Variants in SLIT3 observed in about 807,000 individuals in gnomAD.
The protein encoded by SLIT3 is slit homolog 3 protein.
In SLIT3, 68 loss-of-function variants were observed where a neutral mutation model predicts 184.0. The observed-to-expected ratio is 0.37, with a 90% CI of 0.30 to 0.45. The LOEUF (loss-of-function observed/expected upper bound fraction) is 0.45. Ranked by LOEUF, SLIT3 falls within the 20% of genes least tolerant of loss-of-function variation. The pLI is 1.00. For synonymous variants in SLIT3, 831 were observed against 828.6 expected (o/e 1.00, Z -0.05); for missense variants, 1,707 against 2,026.0 (o/e 0.84, Z 3.02).
intron 4 of SLIT3, among the ~76,000 whole-genome samples, chr5:168,915,808 T>C (rs997464479): frequency 2.0e-5 from 3 of 152,210 alleles, no homozygotes; most frequent in Non-Finnish European, 4.4e-5. Flanking sequence ...GCCTAACAAG[T>C]AAATGTCATA....
At chr5:169,055,263 A>C (rs751064003) in intron 4 of SLIT3, among the ~76,000 whole-genome samples, 10 of 152,202 alleles carry the variant, frequency 6.6e-5, no homozygotes, top group African/African-American at 9.6e-5. Context: ...GGAACTTTCT[A>C]TTGTAGATTA....
At chr5:169,062,437 C>G (rs1758204513) in intron 4 of SLIT3, among the ~76,000 whole-genome samples, 1 of 152,168 alleles carries the variant, frequency 6.6e-6, no homozygotes, top group South Asian at 2.1e-4. Flanking sequence ...GGCAAGGACT[C>G]ATCATCTTTG....
chr5:168,741,241 C>T (rs964369490), intron 20 of SLIT3, among the ~76,000 whole-genome samples: 5 of 151,994 alleles, frequency 3.3e-5, no homozygotes, highest in South Asian at 2.1e-4. Flanking sequence ...GAGGCCGAGG[C>T]GGGCGGATCA....
chr5:168,731,672 G>A (rs1166981188), intron 20 of SLIT3, among the ~76,000 whole-genome samples: 1 of 151,882 alleles, frequency 6.6e-6, no homozygotes, highest in East Asian at 1.9e-4. Flanking sequence ...CAATAAATGT[G>A]CATCACATAA....
chr5:169,167,360 C>T (rs1304334039), intron 4 of SLIT3, among the ~76,000 whole-genome samples: 7 of 148,920 alleles, frequency 4.7e-5, no homozygotes, highest in South Asian at 2.2e-4. Context: ...CTGCAAGCTC[C>T]GCCTCCCAAG....
intron 4 of SLIT3, among the ~76,000 whole-genome samples, chr5:169,192,331 C>A (rs889183940): frequency 2.0e-5 from 3 of 151,978 alleles, no homozygotes; most frequent in African/African-American, 7.3e-5. Context: ...AGAAGGCAAG[C>A]GAGACCACTG....
intron 4 of SLIT3, among the ~76,000 whole-genome samples, chr5:169,134,599 G>A (rs374400138): frequency 1.8e-4 from 27 of 152,252 alleles, no homozygotes; most frequent in East Asian, 9.6e-4. Context: ...GGGGCCTGTC[G>A]GAGGGCTGGG....
chr5:169,192,957 C>CA (rs1250378388), intron 4 of SLIT3, among the ~76,000 whole-genome samples: 8 of 152,290 alleles, frequency 5.3e-5, no homozygotes, highest in Non-Finnish European at 4.4e-5. Context: ...GAGAATAAAG[C>CA]AAAATTCAAC....
chr5:169,162,607 C>A (rs1762514514), intron 4 of SLIT3, among the ~76,000 whole-genome samples: 1 of 152,226 alleles, frequency 6.6e-6, no homozygotes, highest in Admixed American at 6.5e-5. Context: ...TCCAACAGCA[C>A]TGACCACACC....
chr5:169,141,607 C>T (rs574440266), intron 4 of SLIT3, among the ~76,000 whole-genome samples: 2 of 151,616 alleles, frequency 1.3e-5, no homozygotes, highest in South Asian at 4.2e-4. Context: ...GGCGTGGTGG[C>T]GGGTGCCTGT....
At chr5:168,770,082 G>A (rs564734475) in intron 14 of SLIT3, among the ~76,000 whole-genome samples, 7 of 152,314 alleles carry the variant, frequency 4.6e-5, no homozygotes, top group African/African-American at 1.7e-4. Context: ...ACAGCACCCT[G>A]CAACTGCCAA....
intron 4 of SLIT3, among the ~76,000 whole-genome samples, chr5:169,060,378 C>A (rs1269649578): frequency 6.6e-6 from 1 of 150,936 alleles, no homozygotes; most frequent in East Asian, 1.9e-4. Context: ...GGTGACAGAG[C>A]AAGACTCCAT....
intron 5 of SLIT3, among the ~76,000 whole-genome samples, chr5:168,869,036 T>C (rs1759416471): frequency 6.6e-6 from 1 of 152,106 alleles, no homozygotes; most frequent in Non-Finnish European, 1.5e-5. Flanking sequence ...ACACAGTATG[T>C]TTAAGAGGGG....
intron 4 of SLIT3, among the ~76,000 whole-genome samples, chr5:169,117,248 C>A (rs1012726238): frequency 2.0e-5 from 3 of 152,176 alleles, no homozygotes; most frequent in African/African-American, 7.2e-5. Context: ...CATAACTCCA[C>A]AATGGACTTA....
intron 4 of SLIT3, among the ~76,000 whole-genome samples, chr5:168,939,469 T>C (rs980107022): frequency 6.6e-6 from 1 of 152,174 alleles, no homozygotes; most frequent in Non-Finnish European, 1.5e-5. Flanking sequence ...TCTAAGTAGA[T>C]TCTATAAAGG....
chr5:168,927,445 G>A (rs78522514), intron 4 of SLIT3, among the ~76,000 whole-genome samples: 6,333 of 152,224 alleles, frequency 0.042, 224 homozygotes, highest in African/African-American at 0.092. Flanking sequence ...TTGGTGGTAC[G>A]ACAATGTGAA....
chr5:168,666,892 T>A (rs1022278994), intron 35 of SLIT3: 5 of 792,620 alleles, frequency 6.3e-6, no homozygotes, highest in Non-Finnish European at 1.1e-5. Flanking sequence ...TCTGACAGGC[T>A]TACACCTAAG....
intron 20 of SLIT3, among the ~76,000 whole-genome samples, chr5:168,738,929 C>T (rs1329156297): frequency 1.0e-5 from 1 of 100,280 alleles, no homozygotes; most frequent in Non-Finnish European, 1.9e-5. Context: ...AAGAGCAAGA[C>T]TCCATCTCAA....
intron 26 of SLIT3, 156 bp downstream of exon 26, chr5:168,707,820 G>T: frequency 1.2e-6 from 1 of 820,954 alleles, no homozygotes; most frequent in Non-Finnish European, 1.9e-6. Context: ...AGTGTTACTG[G>T]CAAATGCTGC....
Sources: gnomAD v4.1 joint callset for allele counts (sites outside exome capture counted in the v4.1 genomes callset) on GRCh38, gnomAD v4.1.1 for gene constraint, MANE v1.5 for transcripts, NCBI Gene and HGNC (gene_info 2026-07-23, HGNC 2026-07-21) for gene names.